USF2: variants seen among roughly 807,000 people sequenced by gnomAD.
USF2 encodes upstream stimulatory factor 2.
Under a neutral mutation model 46.9 loss-of-function variants are expected in USF2, and 16 were observed. The ratio of observed to expected loss-of-function variants is 0.34; its 90% CI spans 0.23 to 0.52. USF2 has a LOEUF of 0.52. Among genes scored for constraint, USF2 ranks in the 20% least tolerant of loss-of-function variants. USF2 has a pLI of 0.96. For synonymous variants in USF2, 239 were observed against 194.1 expected, an observed-to-expected ratio of 1.23 and a Z score of -1.92; for missense variants, 411 against 474.0, an observed-to-expected ratio of 0.87 and a Z score of 1.23.
chr19:35,276,217 A>G (rs1431925143), intron 7 of USF2, among the ~76,000 whole-genome samples: 1 of 151,894 alleles, frequency 6.6e-6, no homozygotes, highest in East Asian at 1.9e-4. Flanking sequence ...GATTATAGGC[A>G]TGCACTGCTA....
intron 7 of USF2, among the ~76,000 whole-genome samples, chr19:35,273,534 G>A (rs1315204469): frequency 1.3e-5 from 2 of 152,210 alleles, no homozygotes; most frequent in South Asian, 2.1e-4. Flanking sequence ...TAGTGGACAA[G>A]CTTGAGAAAC....
chr19:35,271,835 C>T (rs1014840769), intron 7 of USF2, among the ~76,000 whole-genome samples: 5 of 152,192 alleles, frequency 3.3e-5, no homozygotes, highest in African/African-American at 1.2e-4. Flanking sequence ...GGAGTCTGGC[C>T]TGGAGCGTCA....
chr19:35,275,167 C>T (rs1315849497), intron 7 of USF2: 1 of 152,210 alleles, frequency 6.6e-6, no homozygotes, highest in African/African-American at 2.4e-5. Context: ...CTGCCTCAGT[C>T]TCCCAAGTAG....
At chr19:35,270,663 C>CA in intron 5 of USF2, 55 bp from the exon 6 acceptor site, 1 of 1,612,072 alleles carries the variant, frequency 6.2e-7, no homozygotes, top group Non-Finnish European at 8.5e-7. Flanking sequence ...GGAAGCCCCC[C>CA]CAGCCAGTTC....
chr19:35,275,402 A>C (rs2066218979), intron 7 of USF2: 1 of 149,244 alleles, frequency 6.7e-6, no homozygotes, highest in Non-Finnish European at 1.5e-5. Flanking sequence ...CTTCCCTGGC[A>C]CACCCCAACC....
chr19:35,275,598 G>A (rs981845020), intron 7 of USF2, among the ~76,000 whole-genome samples: 2 of 152,074 alleles, frequency 1.3e-5, no homozygotes, highest in Non-Finnish European at 2.9e-5. Context: ...GGGATATGTT[G>A]TTTTTGTTAT....
At chr19:35,276,485 G>T (rs1036431407) in intron 7 of USF2, among the ~76,000 whole-genome samples, 3 of 152,160 alleles carry the variant, frequency 2.0e-5, no homozygotes, top group Non-Finnish European at 4.4e-5. Context: ...CCACAGGCTG[G>T]ACAGCATTAC....
In USF2 at chr19:35,269,249, A is replaced by G. The variant is rs2066101926; in HGVS notation, c.62+86A>G. 1.2e-5 allele frequency: 11 copies of G among 944,030 alleles called. No homozygotes were observed. In the South Asian group the frequency reaches 5.4e-4, roughly 46 times the overall value. The allele number at this position is 944,030 out of a possible 1,614,324, so 58.5% of individuals were successfully genotyped here. A position where few individuals can be genotyped will look rare whatever the true frequency, so the allele number is the denominator to read the frequency against. On this transcript the variant is annotated intron_variant, in intron 1 of 9. Transcript: ENST00000222305. The stretch of plus-strand genomic sequence containing the variant: ...GCAGGCCGGGGCCGCCATGATCCCG[A>G]GCGGCCGCGGGCCCGGCTCAAAATG...
chr19:35,275,243 C>G (rs1209982189), intron 7 of USF2: 1 of 152,072 alleles, frequency 6.6e-6, no homozygotes, highest in East Asian at 1.9e-4. Flanking sequence ...GACGGGGTTT[C>G]ACCATGTTGG....
Position 35,269,464 on chromosome 19 carries a change from G to A in USF2, c.81G>A (p.Glu27=). The change falls in exon 2 of 10, where the codon GAG becomes GAA. Residue 27 remains glutamate (E), a synonymous_variant. Transcript: ENST00000222305. ...AAAASHDKGP[E]AEEGVELQEG... ...CTGGCAGCCACGACAAGGGACCCGAGGCGGAGGAGGGCGTCGAGCTGCAGG... is the reference window on the plus strand; with the variant it reads ...CTGGCAGCCACGACAAGGGACCCGAAGCGGAGGAGGGCGTCGAGCTGCAGG... The A allele has an allele frequency of 1.3e-6, 2 of 1,547,732 alleles. No homozygotes were observed. Among genetic ancestry groups the A allele is most frequent in the Non-Finnish European group, 1.7e-6 (2 of 1,155,328 alleles).
At chr19:35,275,327 G>T (rs557005840) in intron 7 of USF2, 5 of 152,232 alleles carry the variant, frequency 3.3e-5, no homozygotes, top group African/African-American at 1.2e-4. Context: ...GATTACAGGA[G>T]TGAGCCACTG....
intron 3 of USF2, 25 bp downstream of exon 3, chr19:35,269,724 A>G: frequency 5.8e-6 from 1 of 171,790 alleles, no homozygotes; most frequent in Non-Finnish European, 9.3e-6. Context: ...GCGAGGGCGA[A>G]CGGGCGGGCG....
rs1195676112 is a variant in USF2 at position 35,269,677 on chromosome 19, G to A, written c.206G>A (p.Arg69His). Reference protein sequence around the residue: ...FGDHNIQYQFRTETNGGQVTY... With the variant: ...FGDHNIQYQFHTETNGGQVTY... ...GACCACAACATCCAGTACCAGTTCC[G>A]CACAGAGACAAATGGAGGACAGGTG... Residue 69 changes from arginine (R) to histidine (H), a missense_variant, in exon 3 of 10, where the codon CGC becomes CAC. Physicochemically the swap from Arg to His is conservative, Grantham distance 29 (BLOSUM62 0). Transcript: ENST00000222305. 6.8e-7 allele frequency: 1 copy of A among 1,472,090 alleles called. No homozygotes were observed. Among genetic ancestry groups the A allele is most frequent in the Admixed American group, 2.0e-5 (1 of 50,532 alleles). The allele number at this position is 1,472,090 out of a possible 1,614,324, so 91.2% of individuals were successfully genotyped here. A position where few individuals can be genotyped will look rare whatever the true frequency, so the allele number is the denominator to read the frequency against.
intron 7 of USF2, 152 bp from the exon 8 acceptor site, chr19:35,278,546 C>G: frequency 1.3e-6 from 1 of 752,798 alleles, no homozygotes. Context: ...GCCGGCTGGG[C>G]TCAGGGTGCG....
chr19:35,270,325 G>A (rs1374007498), intron 4 of USF2, 122 bp from the exon 5 acceptor site: 2 of 1,377,140 alleles, frequency 1.5e-6, no homozygotes, highest in Non-Finnish European at 2.0e-6. Context: ...AATGCTACAC[G>A]CAGAAGGAGT....
chr19:35,279,336 A>G lies in USF2; in HGVS notation c.*80A>G. On this transcript the variant is annotated 3_prime_UTR_variant, in exon 10 of 10. Transcript: ENST00000222305. The stretch of plus-strand genomic sequence containing the variant: ...TCCCCAGCCCTTAGCACAGAGAGGG[A>G]CACATGCCCCTCCCCCAGCTGCGTT... 2 of 1,327,608 alleles carry G rather than the reference A, an allele frequency of 1.5e-6. No individual in the cohort carries two copies. The highest frequency in any genetic ancestry group is 2.0e-6 in the Non-Finnish European group (2 of 1,017,154). 82.2% of individuals were successfully genotyped at this position (1,327,608 alleles called of 1,614,324 possible).
chr19:35,270,521 C>T lies in USF2; in HGVS notation c.504C>T (p.Ala168=). The part of the protein sequence containing the change: ...AEAVSGEARF[A]YFPASSVGDT... ...CTGTCAGCGGGGAGGCACGATTTGC[C>T]TATTTCCCAGCGTCCAGTGTGGGAG... The change falls in exon 5 of 10, where the codon GCC becomes GCT. Residue 168 remains alanine (A), a synonymous_variant. Transcript: ENST00000222305. The T allele has an allele frequency of 1.2e-6, 2 of 1,614,190 alleles. No homozygotes were observed. The highest frequency in any genetic ancestry group is 1.1e-5 in the South Asian group (1 of 91,090).
chr19:35,273,138 C>T (rs990122920), intron 7 of USF2, among the ~76,000 whole-genome samples: 1 of 152,128 alleles, frequency 6.6e-6, no homozygotes, highest in African/African-American at 2.4e-5. Flanking sequence ...GTCTTCATCA[C>T]CTGCCCACTT....
At chr19:35,271,841 C>T (rs1434291886) in intron 7 of USF2, among the ~76,000 whole-genome samples, 1 of 152,082 alleles carries the variant, frequency 6.6e-6, no homozygotes, top group African/African-American at 2.4e-5. Flanking sequence ...TGGCCTGGAG[C>T]GTCAGGGAGG....
Sources: gnomAD v4.1 joint callset for allele counts (sites outside exome capture counted in the v4.1 genomes callset) on GRCh38, gnomAD v4.1.1 for gene constraint, MANE v1.5 for transcripts, NCBI Gene and HGNC (gene_info 2026-07-23, HGNC 2026-07-21) for gene names.